The following EIF4E3 variants were observed in gnomAD, a reference collection of about 807,000 sequenced individuals.
EIF4E3 encodes the protein eukaryotic translation initiation factor 4E type 3.
In EIF4E3, 26 loss-of-function variants were observed where a neutral mutation model predicts 31.7. The ratio of observed to expected loss-of-function variants is 0.82; its 90% CI spans 0.60 to 1.14. EIF4E3 has a LOEUF of 1.14. EIF4E3 is among the 50% of genes most tolerant of loss of function. The pLI is 0.00. For missense variants in EIF4E3, 304 were observed against 270.9 expected (o/e 1.12, Z -0.86); for synonymous variants, 128 against 107.7 (o/e 1.19, Z -1.17).
At chr3:71,673,217 T>C (rs565513779), downstream of EIF4E3, among the ~76,000 whole-genome samples, 8 of 152,212 alleles carry the variant, frequency 5.3e-5, no homozygotes, top group Non-Finnish European at 1.0e-4. Context: ...CTATATATGC[T>C]TTATAAAGAG....
intron 1 of EIF4E3, among the ~76,000 whole-genome samples, chr3:71,744,985 T>C (rs762011334): frequency 1.3e-5 from 2 of 152,138 alleles, no homozygotes; most frequent in Admixed American, 6.6e-5. Flanking sequence ...GGAAGGGTGG[T>C]AGCAGGGGTT....
intron 5 of EIF4E3, among the ~76,000 whole-genome samples, chr3:71,693,166 C>T (rs1441872662): frequency 6.6e-6 from 1 of 152,124 alleles, no homozygotes; most frequent in East Asian, 1.9e-4. Flanking sequence ...CAAAAGAAAA[C>T]AAAACTTTAA....
At chr3:71,738,570 T>G (rs1176772577) in intron 1 of EIF4E3, among the ~76,000 whole-genome samples, 1 of 152,056 alleles carries the variant, frequency 6.6e-6, no homozygotes, top group Non-Finnish European at 1.5e-5. Context: ...GAGAAGGACA[T>G]TACATAATTA....
the EIF4E3 span, among the ~76,000 whole-genome samples, chr3:71,665,825 G>A: frequency 4.8e-3 from 723 of 152,178 alleles, 10 homozygotes; most frequent in African/African-American, 0.016. Context: ...ACATGGAAAC[G>A]GAACAACCTG....
chr3:71,716,943 G>C (rs112695085), intron 1 of EIF4E3, among the ~76,000 whole-genome samples: 1 of 152,184 alleles, frequency 6.6e-6, no homozygotes, highest in African/African-American at 2.4e-5. Context: ...CACTTTTAAA[G>C]ATATAATTGC....
At chr3:71,722,530 G>C (rs560508519) in intron 1 of EIF4E3, among the ~76,000 whole-genome samples, 1 of 152,182 alleles carries the variant, frequency 6.6e-6, no homozygotes, top group Non-Finnish European at 1.5e-5. Flanking sequence ...AGTTTTAAAT[G>C]TCCAGAAAAG....
In EIF4E3 at chr3:71,683,015, C is replaced by A. The variant is rs2048942197; in HGVS notation, c.*1667G>T. ...AATGTTAGTACAATGTTTGGAGAAA[C>A]AAGTCCTAGGCTTTTGCTAACTGGA... On this transcript the variant is annotated 3_prime_UTR_variant, in exon 7 of 7. Transcript: ENST00000425534. 7 of 151,656 alleles carry A rather than the reference C, an allele frequency of 4.6e-5. No individual in the cohort carries two copies. The highest frequency in any genetic ancestry group is 3.3e-4 in the Admixed American group (5 of 15,208). The allele number at this position is 151,656 out of a possible 1,614,324, so 9.4% of individuals were successfully genotyped here.
chr3:71,717,358 T>G (rs2049481156), intron 1 of EIF4E3, among the ~76,000 whole-genome samples: 1 of 152,148 alleles, frequency 6.6e-6, no homozygotes, highest in African/African-American at 2.4e-5. Flanking sequence ...ACAAGACAAA[T>G]GTAAAAATCA....
At chr3:71,698,219 T>G (rs1453167161) in intron 3 of EIF4E3, among the ~76,000 whole-genome samples, 1 of 152,184 alleles carries the variant, frequency 6.6e-6, no homozygotes, top group Non-Finnish European at 1.5e-5. Flanking sequence ...GGGAAGAAAG[T>G]GGCGTTCAGT....
chr3:71,732,174 A>T (rs1277150634), intron 1 of EIF4E3, among the ~76,000 whole-genome samples: 1 of 152,084 alleles, frequency 6.6e-6, no homozygotes, highest in East Asian at 1.9e-4. Context: ...CCACTTGGTA[A>T]ACACACCATA....
rs941699816 is a variant in EIF4E3 at position 71,710,345 on chromosome 3, T to G, written c.249+67A>C. The G allele has an allele frequency of 3.3e-6, 5 of 1,511,378 alleles. No individual in the cohort carries two copies. The African/African-American group carries it at 6.9e-5, about 21-fold the overall frequency. 93.6% of individuals were successfully genotyped at this position (1,511,378 alleles called of 1,614,324 possible). ...GGGGCTGCCAGCACAGCAACAGATT[T>G]CAAGTTGGGTGATTAGGTGTCTGAC... On this transcript the variant is annotated intron_variant, in intron 2 of 6. Coordinates refer to ENST00000425534, the MANE Select transcript of EIF4E3 (RefSeq NM_001134651.2).
chr3:71,690,518 T>C (rs150130727), intron 5 of EIF4E3, among the ~76,000 whole-genome samples: 110 of 152,344 alleles, frequency 7.2e-4, no homozygotes, highest in East Asian at 1.4e-3. Context: ...CATAATTCCC[T>C]GCCCTCTGAA....
At chr3:71,738,017 T>G (rs1444328352) in intron 1 of EIF4E3, among the ~76,000 whole-genome samples, 1 of 152,150 alleles carries the variant, frequency 6.6e-6, no homozygotes, top group Non-Finnish European at 1.5e-5. Flanking sequence ...CTGAACATTA[T>G]ATAAAATAAA....
chr3:71,670,916 G>C (rs772857661), downstream of EIF4E3, among the ~76,000 whole-genome samples: 4 of 152,174 alleles, frequency 2.6e-5, no homozygotes, highest in Admixed American at 6.5e-5. Context: ...AGACTAGCAA[G>C]TTGGGGTGTA....
chr3:71,725,532 CCGCGCGGA>C, upstream of EIF4E3, among the ~76,000 whole-genome samples: 1 of 148,570 alleles, frequency 6.7e-6, no homozygotes, highest in African/African-American at 2.5e-5. The surrounding 1 kb of genome is among the most constrained non-coding windows in gnomAD (Gnocchi z 6.1). Context: ...GGCCTGGGAG[CCGCGCGGA>C]GGGGCCGTGG....
intron 6 of EIF4E3, 64 bp from the exon 7 acceptor site, chr3:71,684,792 CA>C: frequency 6.5e-7 from 1 of 1,542,918 alleles, no homozygotes; most frequent in Non-Finnish European, 8.8e-7. Flanking sequence ...AAGGATGGGC[CA>C]ACCCTCCTCT....
chr3:71,714,332 G>A (rs1176366515), intron 1 of EIF4E3, among the ~76,000 whole-genome samples: 1 of 151,818 alleles, frequency 6.6e-6, no homozygotes, highest in Non-Finnish European at 1.5e-5. Flanking sequence ...AAGAAAGAAA[G>A]AAAGAGAAAA....
intron 1 of EIF4E3, among the ~76,000 whole-genome samples, chr3:71,744,560 C>T (rs2049852294): frequency 6.6e-6 from 1 of 152,200 alleles, no homozygotes; most frequent in Non-Finnish European, 1.5e-5. Context: ...GCCTGATCAA[C>T]ATGGTGAAAC....
chr3:71,678,027 C>T lies in EIF4E3; in HGVS notation c.*6655G>A, dbSNP rs1476227180. 6.6e-6 allele frequency: 1 copy of T among 152,166 alleles called. No individual in the cohort carries two copies. The highest frequency in any genetic ancestry group is 2.4e-5 in the African/African-American group (1 of 41,436). 9.4% of individuals were successfully genotyped at this position (152,166 alleles called of 1,614,324 possible). On this transcript the variant is annotated 3_prime_UTR_variant, in exon 7 of 7. Transcript: ENST00000425534. ...GGAAGTGTAAAAATAACAACAGTTA[C>T]TCCCCATCAGAATACCAGATAACCT...
Sources: gnomAD v4.1 joint callset for allele counts (sites outside exome capture counted in the v4.1 genomes callset) on GRCh38, gnomAD v4.1.1 for gene constraint, Gnocchi (gnomAD v3.1) non-coding constraint, MANE v1.5 for transcripts, NCBI Gene and HGNC (gene_info 2026-07-23, HGNC 2026-07-21) for gene names.